CECR2: variants seen among roughly 807,000 people sequenced by gnomAD.
The protein encoded by CECR2 is chromatin remodeling regulator CECR2.
A neutral mutation model predicts 154.5 loss-of-function variants in CECR2; 30 were observed. The ratio of observed to expected loss-of-function variants is 0.19; its 90% confidence interval spans 0.15 to 0.26. The LOEUF is 0.26. CECR2 is among the 10% of genes least tolerant of loss of function. The pLI, the probability that CECR2 is intolerant of heterozygous loss-of-function variation, is 1.00. For missense variants in CECR2, 1,743 were observed against 1,829.3 expected (o/e 0.95, Z 0.86); for synonymous variants, 725 against 683.7 (o/e 1.06, Z -0.94).
intron 1 of CECR2, among the ~76,000 whole-genome samples, chr22:17,384,099 T>C (rs1304096030): frequency 6.6e-6 from 1 of 152,220 alleles, no homozygotes; most frequent in Non-Finnish European, 1.5e-5. Context: ...AAACTCCTGT[T>C]AATATGGATA....
At chr22:17,360,489 C>T (rs1259848327) in intron 1 of CECR2, among the ~76,000 whole-genome samples, 1 of 152,134 alleles carries the variant, frequency 6.6e-6, no homozygotes, top group Non-Finnish European at 1.5e-5. Flanking sequence ...CGAGACCAGC[C>T]TGACCAATAT....
intron 1 of CECR2, among the ~76,000 whole-genome samples, chr22:17,431,497 T>C (rs1374991073): frequency 2.0e-5 from 3 of 152,234 alleles, no homozygotes; most frequent in African/African-American, 4.8e-5. Flanking sequence ...CTTCATCGGC[T>C]CTAAAAGTGA....
At chr22:17,371,333 T>C (rs764008744) in intron 1 of CECR2, among the ~76,000 whole-genome samples, 5 of 152,222 alleles carry the variant, frequency 3.3e-5, no homozygotes, top group Admixed American at 6.5e-5. Context: ...ATTAAAACAA[T>C]GTGAGGAAAT....
intron 1 of CECR2, among the ~76,000 whole-genome samples, chr22:17,408,938 C>A (rs1006880308): frequency 2.0e-5 from 3 of 152,174 alleles, no homozygotes; most frequent in Non-Finnish European, 1.5e-5. Context: ...TCGTACCATT[C>A]TCTCCTAGCT....
At position 17,491,532 on chromosome 22, in the gene CECR2, G is replaced by A. The variant is rs143691133; in HGVS notation, c.222-5871G>A. 2.1e-3 allele frequency among the ~76,000 whole-genome samples: 288 copies of A among 136,484 alleles called. 1 individual carries two copies. The highest frequency in any genetic ancestry group is 7.5e-3 in the African/African-American group (279 of 37,060). The allele number at this position is 136,484 out of a possible 152,430, so 89.5% of individuals were successfully genotyped here. On this transcript the variant is annotated intron_variant, in intron 2 of 18. Coordinates refer to ENST00000262608, the MANE Select transcript of CECR2 (RefSeq NM_001290047.2). ...TTTTAGGCACATGAATTTGTTTTAA[G>A]TGTATCACTTTATTTCCACTATTGG... is the stretch of plus-strand genomic sequence containing the variant.
At chr22:17,370,293 G>A (rs1324353458) in intron 1 of CECR2, among the ~76,000 whole-genome samples, 1 of 145,964 alleles carries the variant, frequency 6.9e-6, no homozygotes, top group Non-Finnish European at 1.5e-5. Context: ...TGAGGCGCGA[G>A]CCAGCTGCTC....
chr22:17,368,784 G>GTCACACGT (rs1237483969), upstream of CECR2, among the ~76,000 whole-genome samples: 1 of 152,044 alleles, frequency 6.6e-6, no homozygotes, highest in Non-Finnish European at 1.5e-5. Flanking sequence ...CATTCCCTGG[G>GTCACACGT]GTTGGGGATC....
intron 1 of CECR2, among the ~76,000 whole-genome samples, chr22:17,376,324 C>T (rs1378334189): frequency 1.3e-5 from 2 of 152,078 alleles, no homozygotes; most frequent in African/African-American, 4.8e-5. Flanking sequence ...CTCTGAAGGG[C>T]GGCCTGCGTT....
At chr22:17,490,438 A>G (rs1406489612) in intron 2 of CECR2, among the ~76,000 whole-genome samples, 1 of 151,026 alleles carries the variant, frequency 6.6e-6, no homozygotes, top group Non-Finnish European at 1.5e-5. Flanking sequence ...TTGTATTTTT[A>G]TTTATTTATT....
intron 8 of CECR2, among the ~76,000 whole-genome samples, chr22:17,512,457 C>CT (rs915292844): frequency 6.6e-6 from 1 of 152,018 alleles, no homozygotes. Flanking sequence ...AATCCGAGCA[C>CT]TTTAAGAGGC....
At chr22:17,420,917 C>T (rs1189202218) in intron 1 of CECR2, among the ~76,000 whole-genome samples, 1 of 152,182 alleles carries the variant, frequency 6.6e-6, no homozygotes, top group Admixed American at 6.5e-5. Context: ...GTCCCTCACC[C>T]ACATTGAGAG....
intron 8 of CECR2, among the ~76,000 whole-genome samples, chr22:17,512,578 C>T (rs1396273361): frequency 6.6e-6 from 1 of 151,666 alleles, no homozygotes; most frequent in African/African-American, 2.4e-5. Flanking sequence ...TGGCGGGCAC[C>T]TGTAATCCCA....
chr22:17,390,033 A>G (rs1021239902), intron 1 of CECR2, among the ~76,000 whole-genome samples: 13 of 152,272 alleles, frequency 8.5e-5, no homozygotes, highest in African/African-American at 3.1e-4. Flanking sequence ...TGAGCCAATA[A>G]TATATATAAT....
At position 17,447,033 on chromosome 22, in the gene CECR2, C is replaced by CTTTTTTTTTTTTTTT. The variant is rs1555910503; in HGVS notation, c.127-30550_127-30536dup. On this transcript the variant is annotated intron_variant, in intron 1 of 18. Transcript: ENST00000262608. ...GAGTGCTGAGTGGTGCGTTTACAAT[C>CTTTTTTTTTTTTTTT]TTTTTTTTTTTTTTTTTTTGAGACA... is the stretch of plus-strand genomic sequence containing the variant. Among the ~76,000 whole-genome samples, 7 of 114,104 alleles carry CTTTTTTTTTTTTTTT rather than the reference C, an allele frequency of 6.1e-5. 1 individual carries two copies. Among genetic ancestry groups the CTTTTTTTTTTTTTTT allele is most frequent in the East Asian group, 3.0e-4 (1 of 3,386 alleles). The allele number at this position is 114,104 out of a possible 152,430, so 74.9% of individuals were successfully genotyped here. A position where few individuals can be genotyped will look rare whatever the true frequency, so the allele number is the denominator to read the frequency against.
chr22:17,401,830 C>CA (rs1491176768), intron 1 of CECR2, among the ~76,000 whole-genome samples: 1 of 75,388 alleles, frequency 1.3e-5, no homozygotes, highest in East Asian at 3.0e-4. Flanking sequence ...TATTTAACAC[C>CA]CCCCCCCGCC....
chr22:17,532,792 A>G lies in CECR2; in HGVS notation c.1109-4311A>G, dbSNP rs903869317. Among the ~76,000 whole-genome samples the G allele has an allele frequency of 2.4e-5, 3 of 123,356 alleles. No homozygotes were observed. The Admixed American group carries it at 3.4e-4, about 14-fold the overall frequency. The allele number at this position is 123,356 out of a possible 152,430, so 80.9% of individuals were successfully genotyped here. A position where few individuals can be genotyped will look rare whatever the true frequency, so the allele number is the denominator to read the frequency against. Reference sequence around the variant, plus strand: ...GAGTGCAGTGGTGCGATCTCGGCTCACTGCAACTTCCGCCTCCCGGGTTCA... The same window carrying G: ...GAGTGCAGTGGTGCGATCTCGGCTCGCTGCAACTTCCGCCTCCCGGGTTCA... On this transcript the variant is annotated intron_variant, in intron 9 of 18. Transcript: ENST00000262608.
intron 1 of CECR2, among the ~76,000 whole-genome samples, chr22:17,454,430 C>T (rs2054821512): frequency 6.6e-6 from 1 of 150,530 alleles, no homozygotes; most frequent in Admixed American, 6.6e-5. Flanking sequence ...ACAGTGAAAC[C>T]CCATCTCTAC....
intron 9 of CECR2, among the ~76,000 whole-genome samples, chr22:17,530,198 G>A (rs1360874116): frequency 4.0e-5 from 6 of 148,988 alleles, no homozygotes; most frequent in Admixed American, 6.7e-5. Context: ...CTCCTGTAAT[G>A]TTACATTACC....
chr22:17,407,790 G>C (rs796687991), intron 1 of CECR2, among the ~76,000 whole-genome samples: 2 of 152,284 alleles, frequency 1.3e-5, no homozygotes, highest in African/African-American at 4.8e-5. Context: ...AGAGGGGTGT[G>C]GGTAGAGGTC....
Sources: allele counts gnomAD v4.1 joint callset (sites outside exome capture counted in the v4.1 genomes callset), GRCh38; gene constraint gnomAD v4.1.1; transcripts MANE v1.5; gene names NCBI Gene and HGNC (gene_info 2026-07-23, HGNC 2026-07-21).